Variants in TIMM22 observed in about 807,000 individuals in gnomAD.
The protein encoded by TIMM22 is translocase of inner mitochondrial membrane 22.
Under a neutral mutation model 18.3 loss-of-function variants are expected in TIMM22, and 12 were observed. The ratio of observed to expected loss-of-function variants is 0.65; its 90% CI spans 0.42 to 1.06. TIMM22 has a LOEUF of 1.06. TIMM22 is among the 50% of genes least tolerant of loss of function. The pLI is 0.00. For missense variants in TIMM22, 278 were observed against 252.8 expected, an observed-to-expected ratio of 1.10 and a Z score of -0.68; for synonymous variants, 107 against 98.5, an observed-to-expected ratio of 1.09 and a Z score of -0.51.
Position 1,002,778 on chromosome 17 carries a change from T to A in TIMM22, c.*1690T>A, listed in dbSNP as rs372833565. On this transcript the variant is annotated 3_prime_UTR_variant, in exon 4 of 4. Transcript: ENST00000327158. The stretch of plus-strand genomic sequence containing the variant: ...TAGGATGCCTGGGATCTTCCATCTT[T>A]CAGTCTAGCACGTGGGACCAAATAC... 6 of 152,248 alleles carry A rather than the reference T, an allele frequency of 3.9e-5. No homozygotes were observed. In the East Asian group the frequency reaches 1.2e-3, roughly 29 times the overall value. 9.4% of individuals were successfully genotyped at this position (152,248 alleles called of 1,614,324 possible). A position where few individuals can be genotyped will look rare whatever the true frequency, so the allele number is the denominator to read the frequency against.
chr17:997,777 T>C (rs1225246674), intron 1 of TIMM22, among the ~76,000 whole-genome samples: 1 of 152,018 alleles, frequency 6.6e-6, no homozygotes, highest in East Asian at 1.9e-4. Context: ...GTGCCACTGC[T>C]CTCCAGCCTG....
chr17:997,226 C>G lies in TIMM22; in HGVS notation c.84C>G (p.Leu28=), dbSNP rs151141280. The change falls in exon 1 of 4, where the codon CTC becomes CTG. Residue 28 remains leucine, a synonymous_variant. Transcript: ENST00000327158. ...AAGCTCCGCTGCAGTACAGCCTGCT[C>G]CTGCAGTACCTGGTGGGTGACAAGC... The part of the protein sequence containing the change: ...SAEAPLQYSL[L]LQYLVGDKRQ... 1.7e-5 allele frequency: 28 copies of G among 1,613,154 alleles called. No homozygotes were observed. The highest frequency in any genetic ancestry group is 2.3e-5 in the Non-Finnish European group (27 of 1,179,962).
At chr17:999,870 G>A (rs557144210) in intron 3 of TIMM22, among the ~76,000 whole-genome samples, 48 of 151,894 alleles carry the variant, frequency 3.2e-4, no homozygotes, top group African/African-American at 1.1e-3. Context: ...CTACCCACGA[G>A]ATGCAAGTAG....
In TIMM22 at chr17:1,001,342, G is replaced by T; in HGVS notation, c.*254G>T. The T allele has an allele frequency of 2.3e-6, 1 of 427,488 alleles. No individual in the cohort carries two copies. The highest frequency in any genetic ancestry group is 3.6e-5 in the Admixed American group (1 of 27,526). 26.5% of individuals were successfully genotyped at this position (427,488 alleles called of 1,614,324 possible). On this transcript the variant is annotated 3_prime_UTR_variant, in exon 4 of 4. Coordinates refer to ENST00000327158, the MANE Select transcript of TIMM22 (RefSeq NM_013337.4). The stretch of plus-strand genomic sequence containing the variant: ...GCCAGATTCTCTCACAGCAGATCGG[G>T]AGACAGGATGTTGACATATAGGAAT...
intron 1 of TIMM22, 64 bp from the exon 2 acceptor site, chr17:998,712 GGAT>G: frequency 1.3e-6 from 2 of 1,536,824 alleles, no homozygotes; most frequent in Non-Finnish European, 1.8e-6. Context: ...GTCCCTTCCA[GGAT>G]GATCCCAATA....
Position 998,993 on chromosome 17 carries a change from C to T in TIMM22, c.435+18C>T, listed in dbSNP as rs1453785849. The T allele has an allele frequency of 6.3e-7, 1 of 1,591,016 alleles. No homozygotes were observed. The highest frequency in any genetic ancestry group is 1.3e-5 in the African/African-American group (1 of 74,220). Reference sequence around the variant, plus strand: ...TAGAATCTGTAAGTGTCTCTGCCTTCTAAGAAATCCTTGCTGGGGCCACCA... The same window carrying T: ...TAGAATCTGTAAGTGTCTCTGCCTTTTAAGAAATCCTTGCTGGGGCCACCA... On this transcript the variant is annotated intron_variant, in intron 2 of 3. Transcript: ENST00000327158.
chr17:998,722 A>C, intron 1 of TIMM22, 57 bp from the exon 2 acceptor site: 1 of 1,572,944 alleles, frequency 6.4e-7, no homozygotes, highest in Non-Finnish European at 8.7e-7. Flanking sequence ...GGATGATCCC[A>C]ATAGAGTAAT....
rs1447287263 is a variant in TIMM22, at chr17:997,208, G to A, written c.66G>A (p.Pro22=). ...APETAGSAEA[P]LQYSLLLQYL... is the part of the protein sequence containing the mutation. Reference sequence around the variant, plus strand: ...AGACAGCGGGTTCCGCCGAAGCTCCGCTGCAGTACAGCCTGCTCCTGCAGT... The same window carrying A: ...AGACAGCGGGTTCCGCCGAAGCTCCACTGCAGTACAGCCTGCTCCTGCAGT... Residue 22 remains proline, a synonymous_variant, in exon 1 of 4, where the codon CCG becomes CCA. Transcript: ENST00000327158. 1 of 1,612,816 alleles carries A rather than the reference G, an allele frequency of 6.2e-7. No individual in the cohort carries two copies. The highest frequency in any genetic ancestry group is 1.1e-5 in the South Asian group (1 of 91,080).
intron 3 of TIMM22, 32 bp from the exon 4 acceptor site, chr17:1,000,980 C>A: frequency 6.2e-7 from 1 of 1,613,292 alleles, no homozygotes; most frequent in Non-Finnish European, 8.5e-7. Context: ...CAGCTGTCAC[C>A]ACAGGTCATG....
rs2069744984 is a variant in TIMM22 at position 1,001,510 on chromosome 17, C to G, written c.*422C>G. 1 of 175,020 alleles carries G rather than the reference C, an allele frequency of 5.7e-6. No individual in the cohort carries two copies. The allele number at this position is 175,020 out of a possible 1,614,324, so 10.8% of individuals were successfully genotyped here. A position where few individuals can be genotyped will look rare whatever the true frequency, so the allele number is the denominator to read the frequency against. On this transcript the variant is annotated 3_prime_UTR_variant, in exon 4 of 4. Transcript: ENST00000327158. ...CCATGCAACTATCCGTCTCGAATAC[C>G]AGGGCAGGGCAAGGCGGACTGATGC...
In TIMM22 at chr17:1,003,009, A is replaced by ACTC. The variant is rs1384793172; in HGVS notation, c.*1922_*1924dup. 1 of 152,004 alleles carries ACTC rather than the reference A, an allele frequency of 6.6e-6. No homozygotes were observed. Among genetic ancestry groups the ACTC allele is most frequent in the African/African-American group, 2.4e-5 (1 of 41,390 alleles). The allele number at this position is 152,004 out of a possible 1,614,324, so 9.4% of individuals were successfully genotyped here. The stretch of plus-strand genomic sequence containing the variant: ...CATCTGTTCCTGATCTTCAGAATAA[A>ACTC]CTCAGTGTCCAGTTGCTTCGGCTGG... On this transcript the variant is annotated 3_prime_UTR_variant, in exon 4 of 4. Transcript: ENST00000327158.
In TIMM22 at chr17:1,003,307, TC is replaced by T. The variant is rs537367219; in HGVS notation, c.*2221del. On this transcript the variant is annotated 3_prime_UTR_variant, in exon 4 of 4. Transcript: ENST00000327158. ...CAGAAGCAGCCTGGATGCTGGCTGA[TC>T]CGGAGGCCTTTGTGAAGAGCAAGGA... is the stretch of plus-strand genomic sequence containing the variant. 9.4e-4 allele frequency: 143 copies of T among 152,386 alleles called. No homozygotes were observed. Among genetic ancestry groups the T allele is most frequent in the African/African-American group, 3.4e-3 (140 of 41,574 alleles). The allele number at this position is 152,386 out of a possible 1,614,324, so 9.4% of individuals were successfully genotyped here.
chr17:998,990 C>G lies in TIMM22; in HGVS notation c.435+15C>G. The G allele has an allele frequency of 6.3e-7, 1 of 1,594,210 alleles. No individual in the cohort carries two copies. Among genetic ancestry groups the G allele is most frequent in the Non-Finnish European group, 8.6e-7 (1 of 1,166,544 alleles). On this transcript the variant is annotated intron_variant, in intron 2 of 3. Coordinates refer to ENST00000327158, the MANE Select transcript of TIMM22 (RefSeq NM_013337.4). ...TGATAGAATCTGTAAGTGTCTCTGC[C>G]TTCTAAGAAATCCTTGCTGGGGCCA...
In TIMM22 at chr17:1,003,535, G is replaced by T. The variant is rs1216738465; in HGVS notation, c.*2447G>T. 1 of 152,634 alleles carries T rather than the reference G, an allele frequency of 6.6e-6. No individual in the cohort carries two copies. Among genetic ancestry groups the T allele is most frequent in the African/African-American group, 2.4e-5 (1 of 41,446 alleles). The allele number at this position is 152,634 out of a possible 1,614,324, so 9.5% of individuals were successfully genotyped here. On this transcript the variant is annotated 3_prime_UTR_variant, in exon 4 of 4. Transcript: ENST00000327158. ...CCACAGGGCTGAGTTTTGTGCAAAT[G>T]ATGGGGCTTTGCATTTTTTATTAAC...
Position 1,001,908 on chromosome 17 carries a change from GCA to G in TIMM22, c.*826_*827del, listed in dbSNP as rs2069755478. Reference sequence around the variant, plus strand: ...GGGCCCCTCCTGTGCCGGCCGAGAGGCACACACTGCCTTCACGACGTGACTGC... The same window carrying G: ...GGGCCCCTCCTGTGCCGGCCGAGAGGCACACTGCCTTCACGACGTGACTGC... On this transcript the variant is annotated 3_prime_UTR_variant, in exon 4 of 4. Transcript: ENST00000327158. 1 of 152,078 alleles carries G rather than the reference GCA, an allele frequency of 6.6e-6. No individual in the cohort carries two copies. The highest frequency in any genetic ancestry group is 1.9e-4 in the East Asian group (1 of 5,176). 9.4% of individuals were successfully genotyped at this position (152,078 alleles called of 1,614,324 possible).
chr17:999,231 G>C (rs747307834), intron 2 of TIMM22, among the ~76,000 whole-genome samples: 5 of 151,192 alleles, frequency 3.3e-5, no homozygotes, highest in African/African-American at 4.9e-5. Flanking sequence ...ACTTATTGGA[G>C]AGCCCCTTGA....
chr17:998,698 C>T (rs1025695454), intron 1 of TIMM22, 81 bp from the exon 2 acceptor site: 1 of 1,467,506 alleles, frequency 6.8e-7, no homozygotes, highest in Non-Finnish European at 9.2e-7. Flanking sequence ...CATCCAAAAG[C>T]ATGGTCCCTT....
intron 3 of TIMM22, among the ~76,000 whole-genome samples, chr17:999,963 G>C (rs543994945): frequency 6.6e-6 from 1 of 151,936 alleles, no homozygotes; most frequent in Non-Finnish European, 1.5e-5. Flanking sequence ...GCAGTGGCAC[G>C]ATGTCAGCTC....
rs1420945317 is a variant in TIMM22 at position 999,522 on chromosome 17, C to T, written c.446C>T (p.Thr149Ile). ...CTTCCCTGCCCACAGTACCGGGGAA[C>T]ATCAGACTGGAAGAACAGTGTCATC... ...TECLIESYRGTSDWKNSVISG... is the reference protein window; with the variant it reads ...TECLIESYRGISDWKNSVISG... Residue 149 changes from threonine to isoleucine, a missense_variant, in exon 3 of 4, where the codon ACA becomes ATA. Physicochemically the swap from Thr to Ile is moderately conservative, Grantham distance 89 (BLOSUM62 -1). Coordinates refer to ENST00000327158, the MANE Select transcript of TIMM22 (RefSeq NM_013337.4). The T allele has an allele frequency of 2.5e-6, 4 of 1,613,434 alleles. No individual in the cohort carries two copies. The highest frequency in any genetic ancestry group is 3.3e-5 in the Admixed American group (2 of 59,928).
Sources: allele counts gnomAD v4.1 joint callset (sites outside exome capture counted in the v4.1 genomes callset), GRCh38; gene constraint gnomAD v4.1.1; transcripts MANE v1.5; gene names NCBI Gene and HGNC (gene_info 2026-07-23, HGNC 2026-07-21).